The following LRP1B variants were observed in gnomAD, a reference collection of about 807,000 sequenced individuals.
LRP1B encodes the protein low-density lipoprotein receptor-related protein 1B.
LRP1B carries 217 observed loss-of-function variants against 556.6 expected under a neutral mutation model. The ratio of observed to expected loss-of-function variants is 0.39; its 90% confidence interval spans 0.35 to 0.44. LRP1B has a LOEUF of 0.44. Ranked by LOEUF, LRP1B falls within the 20% of genes least tolerant of loss-of-function variation. The probability of loss-of-function intolerance (pLI) is 1.00; values close to 1 mark genes in which losing one functional copy is unlikely to be tolerated. For synonymous variants in LRP1B, 2,047 were observed against 1,865.8 expected, an observed-to-expected ratio of 1.10 and a Z score of -2.50; for missense variants, 5,053 against 5,620.8, an observed-to-expected ratio of 0.90 and a Z score of 3.23.
intron 21 of LRP1B, among the ~76,000 whole-genome samples, chr2:140,919,313 T>C (rs1288432005): frequency 6.6e-6 from 1 of 152,086 alleles, no homozygotes; most frequent in South Asian, 2.1e-4. Flanking sequence ...TTATATTTTT[T>C]GTGTGAGATT....
intron 1 of LRP1B, among the ~76,000 whole-genome samples, chr2:142,091,236 A>G (rs1300676032): frequency 6.6e-6 from 1 of 152,166 alleles, no homozygotes; most frequent in African/African-American, 2.4e-5. Flanking sequence ...AGACTTTGGC[A>G]AAAGTATTTA....
At chr2:140,636,042 C>A (rs1277983461) in intron 41 of LRP1B, among the ~76,000 whole-genome samples, 1 of 152,056 alleles carries the variant, frequency 6.6e-6, no homozygotes. Context: ...GAAATAAACA[C>A]AGACCCATTG....
intron 1 of LRP1B, among the ~76,000 whole-genome samples, chr2:141,944,923 T>C (rs974517795): frequency 1.3e-5 from 2 of 152,196 alleles, no homozygotes; most frequent in Admixed American, 6.5e-5. Flanking sequence ...AGAGTAAGCG[T>C]AGTTATCAAC....
intron 2 of LRP1B, among the ~76,000 whole-genome samples, chr2:141,759,358 C>T (rs547328921): frequency 6.6e-6 from 1 of 152,052 alleles, no homozygotes; most frequent in East Asian, 1.9e-4. Flanking sequence ...CAAAGGAAAA[C>T]CTTGAGATGT....
intron 66 of LRP1B, among the ~76,000 whole-genome samples, chr2:140,434,930 A>C (rs1686108456): frequency 1.3e-5 from 2 of 152,162 alleles, no homozygotes; most frequent in Admixed American, 1.3e-4. Context: ...AAGGGGTAAA[A>C]AAATATATTT....
At chr2:141,253,501 A>G (rs1684343341) in intron 4 of LRP1B, among the ~76,000 whole-genome samples, 2 of 152,178 alleles carry the variant, frequency 1.3e-5, no homozygotes, top group African/African-American at 2.4e-5. Flanking sequence ...GAGCCTCTTC[A>G]GGATAAGACT....
At chr2:142,073,365 G>A (rs1392172922) in intron 1 of LRP1B, among the ~76,000 whole-genome samples, 4 of 151,906 alleles carry the variant, frequency 2.6e-5, no homozygotes, top group African/African-American at 4.8e-5. Context: ...TTTTTCTAAA[G>A]ACCTAATACT....
chr2:141,304,481 T>A (rs1293515807), intron 3 of LRP1B, among the ~76,000 whole-genome samples: 1 of 140,738 alleles, frequency 7.1e-6, no homozygotes, highest in Non-Finnish European at 1.5e-5. Flanking sequence ...ATTCATTTTT[T>A]TTTTTTTTTT....
intron 7 of LRP1B, among the ~76,000 whole-genome samples, chr2:141,133,958 A>G (rs1262057936): frequency 6.6e-6 from 1 of 151,918 alleles, no homozygotes; most frequent in Non-Finnish European, 1.5e-5. Flanking sequence ...AATAGAATGC[A>G]TAGTATCCTC....
At chr2:140,339,744 A>G (rs1681277255) in intron 77 of LRP1B, among the ~76,000 whole-genome samples, 1 of 151,684 alleles carries the variant, frequency 6.6e-6, no homozygotes, top group Non-Finnish European at 1.5e-5. Context: ...TAAAATATCC[A>G]AATATTTCAT....
chr2:141,402,887 C>T (rs997056685), intron 3 of LRP1B, among the ~76,000 whole-genome samples: 8 of 151,978 alleles, frequency 5.3e-5, no homozygotes, highest in East Asian at 1.9e-4. Flanking sequence ...ATTTTTATGA[C>T]ATTTGGATGA....
intron 1 of LRP1B, among the ~76,000 whole-genome samples, chr2:142,114,066 C>T (rs146145524): frequency 1.2e-3 from 185 of 152,212 alleles, no homozygotes; most frequent in African/African-American, 4.2e-3. Flanking sequence ...TATCTATGCA[C>T]TCCCTTCTGC....
intron 66 of LRP1B, among the ~76,000 whole-genome samples, chr2:140,436,866 G>T (rs1026443644): frequency 6.6e-6 from 1 of 152,050 alleles, no homozygotes; most frequent in Non-Finnish European, 1.5e-5. Context: ...GATTTACCAT[G>T]GGAAAAGGCC....
At chr2:141,726,758 A>G (rs2105509833) in intron 2 of LRP1B, among the ~76,000 whole-genome samples, 2 of 152,262 alleles carry the variant, frequency 1.3e-5, no homozygotes, top group South Asian at 4.1e-4. Context: ...TTATCAGATT[A>G]CAAGAACAAT....
intron 2 of LRP1B, among the ~76,000 whole-genome samples, chr2:141,696,624 A>G (rs1376018793): frequency 6.6e-6 from 1 of 151,946 alleles, no homozygotes; most frequent in Non-Finnish European, 1.5e-5. Flanking sequence ...ACAACATTCT[A>G]TTTTGAAATT....
chr2:141,270,486 C>T (rs913024166), intron 3 of LRP1B, among the ~76,000 whole-genome samples: 1 of 152,002 alleles, frequency 6.6e-6, no homozygotes, highest in African/African-American at 2.4e-5. Context: ...TACAACCATG[C>T]CCATAGCAGT....
intron 7 of LRP1B, among the ~76,000 whole-genome samples, chr2:141,133,119 C>T (rs572438889): frequency 1.3e-4 from 20 of 151,932 alleles, no homozygotes; most frequent in African/African-American, 4.8e-4. Flanking sequence ...AATGTCTAGC[C>T]AGAACAAATT....
At chr2:140,298,596 T>A (rs2105002836) in intron 83 of LRP1B, among the ~76,000 whole-genome samples, 1 of 152,286 alleles carries the variant, frequency 6.6e-6, no homozygotes, top group South Asian at 2.1e-4. Flanking sequence ...TGGACTGTAC[T>A]TGAAGTCTAG....
chr2:141,890,701 C>T (rs7579591), intron 1 of LRP1B, among the ~76,000 whole-genome samples: 1,665 of 151,992 alleles, frequency 0.011, 37 homozygotes, highest in African/African-American at 0.038. Flanking sequence ...ATGTAATAAC[C>T]TGCAATGATA....
Sources: gnomAD v4.1 joint callset for allele counts (sites outside exome capture counted in the v4.1 genomes callset) on GRCh38, gnomAD v4.1.1 for gene constraint, MANE v1.5 for transcripts, NCBI Gene and HGNC (gene_info 2026-07-23, HGNC 2026-07-21) for gene names.